The following NUCB2 variants were observed in gnomAD, a reference collection of about 807,000 sequenced individuals.
The protein encoded by NUCB2 is nucleobindin-2.
Under a neutral mutation model 57.9 loss-of-function variants are expected in NUCB2, and 48 were observed. The ratio of observed to expected loss-of-function variants is 0.83; its 90% CI spans 0.66 to 1.05. The LOEUF is 1.05. Ranked by LOEUF, NUCB2 falls within the 50% of genes least tolerant of loss-of-function variation. The pLI, the probability that NUCB2 is intolerant of heterozygous loss-of-function variation, is 0.00. For missense variants in NUCB2, 442 were observed against 476.2 expected, an observed-to-expected ratio of 0.93 and a Z score of 0.67; for synonymous variants, 139 against 152.1, an observed-to-expected ratio of 0.91 and a Z score of 0.64.
At chr11:17,281,089 C>A (rs1942463264) in intron 1 of NUCB2, among the ~76,000 whole-genome samples, 1 of 152,104 alleles carries the variant, frequency 6.6e-6, no homozygotes, top group Non-Finnish European at 1.5e-5. Context: ...GTATGTCAAA[C>A]TGGTCTTGCT....
chr11:17,334,901 A>G (rs191008551), downstream of NUCB2, among the ~76,000 whole-genome samples: 2 of 149,164 alleles, frequency 1.3e-5, no homozygotes, highest in Non-Finnish European at 3.0e-5. Context: ...AAAAAAAAAA[A>G]GGCTACCCTA....
At chr11:17,279,500 T>C (rs1942088295) in intron 1 of NUCB2, among the ~76,000 whole-genome samples, 1 of 152,162 alleles carries the variant, frequency 6.6e-6, no homozygotes, top group African/African-American at 2.4e-5. Flanking sequence ...AAACTACAGG[T>C]AGTACCAACC....
chr11:17,326,311 G>GTTTTTT (rs60955119), intron 11 of NUCB2, among the ~76,000 whole-genome samples: 36 of 71,278 alleles, frequency 5.1e-4, no homozygotes, highest in Non-Finnish European at 7.4e-4. Context: ...CATTGTTACC[G>GTTTTTT]TTTTTTTTTT....
At chr11:17,303,606 T>C (rs1040777260) in intron 5 of NUCB2, among the ~76,000 whole-genome samples, 2 of 152,034 alleles carry the variant, frequency 1.3e-5, no homozygotes, top group African/African-American at 4.8e-5. Context: ...GTTATCTTGC[T>C]GGGCATGATG....
intron 2 of NUCB2, among the ~76,000 whole-genome samples, chr11:17,346,133 A>G (rs1255430959): frequency 4.6e-5 from 7 of 152,264 alleles, no homozygotes; most frequent in Non-Finnish European, 8.8e-5. Flanking sequence ...TTAGAGAGTC[A>G]TAGAGCCTGA....
At chr11:17,348,784 C>CTT (rs34096604) in intron 2 of NUCB2, among the ~76,000 whole-genome samples, 1 of 144,640 alleles carries the variant, frequency 6.9e-6, no homozygotes, top group Non-Finnish European at 1.5e-5. Flanking sequence ...CTTTCCTTTC[C>CTT]TTTTTTTTTT....
intron 5 of NUCB2, 103 bp downstream of exon 5, chr11:17,301,973 C>A: frequency 2.1e-6 from 2 of 944,766 alleles, no homozygotes; most frequent in Non-Finnish European, 3.2e-6. Flanking sequence ...AATCACAGTT[C>A]ACTACAGCCT....
chr11:17,335,112 A>AT (rs910584189), downstream of NUCB2, among the ~76,000 whole-genome samples: 5 of 151,448 alleles, frequency 3.3e-5, no homozygotes, highest in East Asian at 2.1e-4. Context: ...AGTGCTTGCT[A>AT]TTTTTTTTAA....
intron 11 of NUCB2, chr11:17,317,601 C>T (rs1416871125): frequency 4.6e-6 from 2 of 438,938 alleles, no homozygotes; most frequent in Non-Finnish European, 9.2e-6. Context: ...CCATCTGAAA[C>T]AATCAAGAGG....
downstream of NUCB2, chr11:17,332,806 G>C (rs1313230315): frequency 6.6e-6 from 1 of 152,060 alleles, no homozygotes; most frequent in Non-Finnish European, 1.5e-5. Context: ...TTGAACTTCT[G>C]GGCTCAAGTG....
chr11:17,311,791 A>C, intron 8 of NUCB2, 81 bp from the exon 9 acceptor site: 2 of 960,100 alleles, frequency 2.1e-6, no homozygotes, highest in Admixed American at 4.6e-5. Context: ...TACTTTTGTA[A>C]ACCCTTTATA....
chr11:17,287,870 C>T (rs1944053967), intron 2 of NUCB2, among the ~76,000 whole-genome samples: 1 of 151,818 alleles, frequency 6.6e-6, no homozygotes, highest in Non-Finnish European at 1.5e-5. Flanking sequence ...TGTGGTGGTA[C>T]CCACCTGTAA....
At chr11:17,288,479 C>T (rs1944173470) in intron 2 of NUCB2, among the ~76,000 whole-genome samples, 1 of 151,932 alleles carries the variant, frequency 6.6e-6, no homozygotes, top group African/African-American at 2.4e-5. Context: ...AGGTGCAAGC[C>T]ACTGCACCCA....
At position 17,311,279 on chromosome 11, in the gene NUCB2, A is replaced by G; in HGVS notation, c.756A>G (p.Leu252=). ...TTGACCCCAAGACATTTTTCAAATT[A>G]CATGGTAACGATTTGATACAAATAT... ...NDFDPKTFFK[L]HDVNSDGFLD... is the part of the protein sequence containing the mutation. Residue 252 remains leucine, a synonymous_variant, in exon 8 of 14, where the codon TTA becomes TTG. Transcript: ENST00000529010. The G allele has an allele frequency of 6.3e-7, 1 of 1,587,782 alleles. No individual in the cohort carries two copies. Among genetic ancestry groups the G allele is most frequent in the Non-Finnish European group, 8.6e-7 (1 of 1,159,434 alleles).
intron 5 of NUCB2, among the ~76,000 whole-genome samples, chr11:17,307,409 C>T (rs1947839858): frequency 6.6e-6 from 1 of 152,110 alleles, no homozygotes; most frequent in Non-Finnish European, 1.5e-5. Context: ...GTCCTCCTGC[C>T]TCAGCCTCCC....
At chr11:17,323,393 C>A (rs938233761) in intron 11 of NUCB2, among the ~76,000 whole-genome samples, 3 of 152,066 alleles carry the variant, frequency 2.0e-5, no homozygotes, top group African/African-American at 7.2e-5. Flanking sequence ...TGTATGTTGA[C>A]CCATCCTTGC....
chr11:17,343,930 T>C (rs550473212), intron 2 of NUCB2, among the ~76,000 whole-genome samples: 3 of 152,226 alleles, frequency 2.0e-5, no homozygotes, highest in African/African-American at 7.2e-5. Context: ...TTGATGTTCA[T>C]AGTATGTTTC....
intron 6 of NUCB2, among the ~76,000 whole-genome samples, chr11:17,310,009 C>T (rs556979775): frequency 6.6e-6 from 1 of 152,134 alleles, no homozygotes; most frequent in African/African-American, 2.4e-5. Context: ...ATTACAGATG[C>T]TACAGGGATA....
downstream of NUCB2, among the ~76,000 whole-genome samples, chr11:17,336,753 C>CAAAAAAAAAA (rs71047542): frequency 4.2e-5 from 2 of 47,416 alleles, no homozygotes; most frequent in African/African-American, 9.3e-5. Context: ...GACTCCGTCT[C>CAAAAAAAAAA]AAAAAAAAAA....
Sources: allele counts gnomAD v4.1 joint callset (sites outside exome capture counted in the v4.1 genomes callset), GRCh38; gene constraint gnomAD v4.1.1; transcripts MANE v1.5; gene names NCBI Gene and HGNC (gene_info 2026-07-23, HGNC 2026-07-21).